The following ITGA11 variants were observed in gnomAD, a reference collection of about 807,000 sequenced individuals.
The protein encoded by ITGA11 is integrin subunit alpha 11, also known as integrin alpha-11.
Under a neutral mutation model 141.9 loss-of-function variants are expected in ITGA11, and 97 were observed. The observed-to-expected ratio is 0.68, with a 90% CI of 0.58 to 0.81. ITGA11 has a LOEUF of 0.81. Among genes scored for constraint, ITGA11 ranks in the 30% least tolerant of loss-of-function variants. The pLI, the probability that ITGA11 is intolerant of heterozygous loss-of-function variation, is 0.00. For missense variants in ITGA11, 1,387 were observed against 1,559.2 expected (o/e 0.89, Z 1.86); for synonymous variants, 658 against 624.6 (o/e 1.05, Z -0.80).
chr15:68,430,504 G>A (rs1240861118), intron 1 of ITGA11, among the ~76,000 whole-genome samples: 1 of 152,166 alleles, frequency 6.6e-6, no homozygotes, highest in African/African-American at 2.4e-5. Flanking sequence ...TGAGGTCCAG[G>A]CTGTCCCTAG....
chr15:68,316,943 A>G (rs1354134372), intron 21 of ITGA11, among the ~76,000 whole-genome samples: 1 of 152,158 alleles, frequency 6.6e-6, no homozygotes, highest in African/African-American at 2.4e-5. Context: ...CATACACAGC[A>G]CAGTGGCAGA....
At position 68,298,928 on chromosome 15, in the gene ITGA11, A is replaced by C. The variant is rs931836547; in HGVS notation, c.*4131T>G. On this transcript the variant is annotated 3_prime_UTR_variant, in exon 30 of 30. Transcript: ENST00000315757. ...GAGTGTGGTGTGTGCCTGTAGTCCC[A>C]GCTACTTGGGAAACTGAGGTGGGAT... The C allele has an allele frequency of 2.0e-5, 3 of 151,696 alleles. No individual in the cohort carries two copies. Among genetic ancestry groups the C allele is most frequent in the Non-Finnish European group, 4.4e-5 (3 of 67,984 alleles). 9.4% of individuals were successfully genotyped at this position (151,696 alleles called of 1,614,324 possible). A position where few individuals can be genotyped will look rare whatever the true frequency, so the allele number is the denominator to read the frequency against.
Position 68,332,314 on chromosome 15 carries a change from T to C in ITGA11, c.1566+24A>G, listed in dbSNP as rs114418336. The C allele has an allele frequency of 2.4e-3, 3,868 of 1,590,694 alleles. 85 individuals carry two copies. The African/African-American group carries it at 0.041, about 17-fold the overall frequency. On this transcript the variant is annotated intron_variant, in intron 13 of 29. Transcript: ENST00000315757. ...CAGAGGTTGGGGGCACCTGAGAAGC[T>C]GCCCAGCCCCTGCCCAGCTGTACCT... is the stretch of plus-strand genomic sequence containing the variant.
chr15:68,420,129 A>T (rs1316001026), intron 1 of ITGA11, among the ~76,000 whole-genome samples: 1 of 152,160 alleles, frequency 6.6e-6, no homozygotes, highest in Non-Finnish European at 1.5e-5. Context: ...GGGCACTCCC[A>T]GCTCCTTCTT....
At chr15:68,426,546 G>A (rs982417846) in intron 1 of ITGA11, among the ~76,000 whole-genome samples, 1 of 152,176 alleles carries the variant, frequency 6.6e-6, no homozygotes, top group Non-Finnish European at 1.5e-5. Context: ...TCTTGTTGGA[G>A]GAGTCACTGT....
At chr15:68,317,456 G>A in intron 20 of ITGA11, 93 bp from the exon 21 acceptor site, 1 of 867,184 alleles carries the variant, frequency 1.2e-6, no homozygotes, top group South Asian at 1.3e-5. Flanking sequence ...ACCCCACTCT[G>A]CAGGGGCCGC....
In ITGA11 at chr15:68,307,924, C is replaced by T. The variant is rs531717156; in HGVS notation, c.3175-228G>A. ...TCCACTTGAAGCTGTACATTGTGAC[C>T]GGCCTGGATATATTCCAGGGACAGA... On this transcript the variant is annotated intron_variant, in intron 26 of 29. Transcript: ENST00000315757. This position sits in a 1 kb window ranked among gnomAD's most constrained non-coding sequence, Gnocchi z 6.1. Among the ~76,000 whole-genome samples the T allele has an allele frequency of 2.8e-4, 42 of 152,138 alleles. No homozygotes were observed. Among genetic ancestry groups the T allele is most frequent in the Non-Finnish European group, 4.6e-4 (31 of 68,030 alleles).
At chr15:68,410,929 C>A (rs7176145) in intron 1 of ITGA11, among the ~76,000 whole-genome samples, 99,153 of 152,092 alleles carry the variant, frequency 0.65, 33,641 homozygotes, top group East Asian at 0.83. Flanking sequence ...CCCTTGGGGA[C>A]CTGCTGCTCT....
intron 3 of ITGA11, among the ~76,000 whole-genome samples, chr15:68,365,847 G>C (rs1895406210): frequency 6.6e-6 from 1 of 151,966 alleles, no homozygotes; most frequent in Non-Finnish European, 1.5e-5. Context: ...GCAATGGGAG[G>C]AATAATTTCT....
At chr15:68,423,045 T>C (rs1897056415) in intron 1 of ITGA11, among the ~76,000 whole-genome samples, 1 of 152,212 alleles carries the variant, frequency 6.6e-6, no homozygotes, top group South Asian at 2.1e-4. Context: ...TGCAAAGAAA[T>C]TGAAGACATC....
chr15:68,381,748 GT>G (rs994006452), intron 2 of ITGA11, among the ~76,000 whole-genome samples: 8 of 152,302 alleles, frequency 5.3e-5, no homozygotes, highest in Non-Finnish European at 7.3e-5. Flanking sequence ...TAGAGATGGG[GT>G]TTTGCCATGT....
chr15:68,345,496 C>T (rs1595869736), intron 10 of ITGA11, among the ~76,000 whole-genome samples: 2 of 152,206 alleles, frequency 1.3e-5, no homozygotes, highest in African/African-American at 2.4e-5. Context: ...TTTACCCTTG[C>T]TAATTCAAAG....
At chr15:68,391,699 T>A (rs1254616168) in intron 2 of ITGA11, among the ~76,000 whole-genome samples, 2 of 152,184 alleles carry the variant, frequency 1.3e-5, no homozygotes, top group African/African-American at 4.8e-5. Flanking sequence ...GAAAGTAGCC[T>A]CAAAGATGCA....
Position 68,335,958 on chromosome 15 carries a change from A to T in ITGA11, c.1277-113T>A. On this transcript the variant is annotated intron_variant, in intron 11 of 29. Coordinates refer to ENST00000315757, the MANE Select transcript of ITGA11 (RefSeq NM_001004439.2). The surrounding 1 kb of genome is among the most constrained non-coding windows in gnomAD (Gnocchi z 4.9). ...GATGGGCCAGTGATGGGGTAGGTTC[A>T]GGGCTAGCTGAGCAGATTCAATCAC... The T allele has an allele frequency of 7.9e-7, 1 of 1,262,054 alleles. No homozygotes were observed. The highest frequency in any genetic ancestry group is 1.1e-6 in the Non-Finnish European group (1 of 908,388). The allele number at this position is 1,262,054 out of a possible 1,614,324, so 78.2% of individuals were successfully genotyped here.
chr15:68,415,230 C>G (rs908449432), intron 1 of ITGA11, among the ~76,000 whole-genome samples: 6 of 152,258 alleles, frequency 3.9e-5, no homozygotes, highest in African/African-American at 1.4e-4. Flanking sequence ...TGGCCTTCCT[C>G]ATCTCTGGAT....
chr15:68,361,145 T>C (rs1895231284), intron 5 of ITGA11, among the ~76,000 whole-genome samples: 1 of 152,178 alleles, frequency 6.6e-6, no homozygotes, highest in Non-Finnish European at 1.5e-5. Context: ...TTGGTGGAAC[T>C]ACTACCAAGG....
intron 1 of ITGA11, among the ~76,000 whole-genome samples, chr15:68,431,575 C>A (rs1167755912): frequency 6.6e-6 from 1 of 152,208 alleles, no homozygotes; most frequent in East Asian, 1.9e-4. Context: ...GATGCTTCCC[C>A]GGAGCCAGGC....
In ITGA11 at chr15:68,298,380, T is replaced by C. The variant is rs894846155; in HGVS notation, c.*4679A>G. The C allele has an allele frequency of 1.2e-4, 18 of 152,138 alleles. No individual in the cohort carries two copies. Among genetic ancestry groups the C allele is most frequent in the Admixed American group, 3.9e-4 (6 of 15,284 alleles). The allele number at this position is 152,138 out of a possible 1,614,324, so 9.4% of individuals were successfully genotyped here. The stretch of plus-strand genomic sequence containing the variant: ...TGGCGCTTATTGAACACCTACTGTA[T>C]TTCAGGCACTGCACCACAGATATGC... On this transcript the variant is annotated 3_prime_UTR_variant, in exon 30 of 30. Coordinates refer to ENST00000315757, the MANE Select transcript of ITGA11 (RefSeq NM_001004439.2).
intron 1 of ITGA11, among the ~76,000 whole-genome samples, chr15:68,427,671 C>T (rs547185796): frequency 6.6e-6 from 1 of 152,228 alleles, no homozygotes; most frequent in African/African-American, 2.4e-5. Flanking sequence ...ACAAGATGAC[C>T]AGCACCAGTC....
Sources: allele counts gnomAD v4.1 joint callset (sites outside exome capture counted in the v4.1 genomes callset), GRCh38; gene constraint gnomAD v4.1.1; non-coding constraint Gnocchi (gnomAD v3.1); transcripts MANE v1.5; gene names NCBI Gene and HGNC (gene_info 2026-07-23, HGNC 2026-07-21).